SLC12A7: variants seen among roughly 807,000 people sequenced by gnomAD.
The protein encoded by SLC12A7 is solute carrier family 12 member 7.
Under a neutral mutation model 120.6 loss-of-function variants are expected in SLC12A7, and 100 were observed. That is an observed-to-expected ratio of 0.83 (90% confidence interval 0.71 to 0.98). The LOEUF (loss-of-function observed/expected upper bound fraction) is 0.98. SLC12A7 is among the 50% of genes least tolerant of loss of function. The pLI, the probability that SLC12A7 is intolerant of heterozygous loss-of-function variation, is 0.00. For missense variants in SLC12A7, 1,373 were observed against 1,548.1 expected, an observed-to-expected ratio of 0.89 and a Z score of 1.90; for synonymous variants, 760 against 678.0, an observed-to-expected ratio of 1.12 and a Z score of -1.88.
chr5:1,052,646 A>G (rs552840037), intron 23 of SLC12A7, among the ~76,000 whole-genome samples, 195 bp from the exon 24 acceptor site: 57 of 152,252 alleles, frequency 3.7e-4, no homozygotes, highest in African/African-American at 1.3e-3. Flanking sequence ...GAGAGGGGCC[A>G]GTGCTCGGGA....
the SLC12A7 span, among the ~76,000 whole-genome samples, chr5:1,146,796 C>CA: frequency 6.6e-6 from 1 of 152,200 alleles, no homozygotes; most frequent in African/African-American, 2.4e-5. The surrounding 1 kb of genome is among the most constrained non-coding windows in gnomAD (Gnocchi z 6.5). Flanking sequence ...TAGTAACTCC[C>CA]AAACAATTGC....
intron 22 of SLC12A7, among the ~76,000 whole-genome samples, chr5:1,055,080 A>C (rs180896824): frequency 3.9e-5 from 6 of 152,302 alleles, no homozygotes; most frequent in East Asian, 1.9e-4. Context: ...GCCGGCCGCC[A>C]CAGCAAGGAG....
At chr5:1,125,150 C>T in the SLC12A7 span, among the ~76,000 whole-genome samples, 1 of 152,194 alleles carries the variant, frequency 6.6e-6, no homozygotes, top group African/African-American at 2.4e-5. Context: ...GAATGGAGCA[C>T]AGAGCAGCTG....
At chr5:1,074,698 C>T in intron 15 of SLC12A7, 27 bp from the exon 16 acceptor site, 1 of 1,605,210 alleles carries the variant, frequency 6.2e-7, no homozygotes, top group African/African-American at 1.3e-5. Context: ...CGGGGTTTGT[C>T]CAGCCGCGTA....
At chr5:1,073,843 C>G (rs778285045) in intron 16 of SLC12A7, 42 bp from the exon 17 acceptor site, 3 of 1,364,544 alleles carry the variant, frequency 2.2e-6, no homozygotes, top group South Asian at 4.2e-5. Context: ...GCAACGCTTA[C>G]CAGGGCACGG....
At chr5:1,136,996 T>C in the SLC12A7 span, among the ~76,000 whole-genome samples, 5 of 89,580 alleles carry the variant, frequency 5.6e-5, no homozygotes, top group South Asian at 4.0e-4. Flanking sequence ...AGGACACACA[T>C]GTGCACACAC....
At chr5:1,093,947 C>T (rs1740825839) in intron 2 of SLC12A7, among the ~76,000 whole-genome samples, 1 of 152,218 alleles carries the variant, frequency 6.6e-6, no homozygotes, top group Non-Finnish European at 1.5e-5. Flanking sequence ...AGGAAGGAGC[C>T]CAGAAGGCAC....
At chr5:1,120,957 A>G in the SLC12A7 span, among the ~76,000 whole-genome samples, 1 of 152,306 alleles carries the variant, frequency 6.6e-6, no homozygotes, top group East Asian at 1.9e-4. Context: ...CCCGGCAAAG[A>G]TTTAAGATGT....
At chr5:1,148,930 G>A in the SLC12A7 span, among the ~76,000 whole-genome samples, 15 of 152,218 alleles carry the variant, frequency 9.9e-5, no homozygotes, top group African/African-American at 3.6e-4. Context: ...GGGGCCTGGT[G>A]TAGGAGCTCC....
intron 11 of SLC12A7, 51 bp from the exon 12 acceptor site, chr5:1,078,058 T>C: frequency 6.6e-7 from 1 of 1,514,312 alleles, no homozygotes; most frequent in East Asian, 2.5e-5. Context: ...TGAGCCTGAG[T>C]CAGACAAAAT....
In SLC12A7 at chr5:1,104,316, A is replaced by C. The variant is rs375831804; in HGVS notation, c.124+7552T>G. On this transcript the variant is annotated intron_variant, in intron 1 of 23. Transcript: ENST00000264930. ...CAAGGGAAACTGAGGCACAGAGCAAATGTTCAAGGATCACTTTAACAACCT... is the reference window on the plus strand; with the variant it reads ...CAAGGGAAACTGAGGCACAGAGCAACTGTTCAAGGATCACTTTAACAACCT... Among the ~76,000 whole-genome samples the C allele has an allele frequency of 2.0e-5, 3 of 152,188 alleles. No individual in the cohort carries two copies. The South Asian group carries it at 6.2e-4, about 31-fold the overall frequency.
chr5:1,077,137 G>A (rs1381578541), intron 12 of SLC12A7, among the ~76,000 whole-genome samples: 1 of 149,466 alleles, frequency 6.7e-6, no homozygotes, highest in East Asian at 2.1e-4. Flanking sequence ...AGACCCTGTG[G>A]TGACCTTTCT....
the SLC12A7 span, among the ~76,000 whole-genome samples, chr5:1,141,627 A>C: frequency 7.2e-5 from 11 of 152,384 alleles, no homozygotes; most frequent in Middle Eastern, 3.4e-3. Context: ...TTGTGTGGTC[A>C]CTGAAGTTTA....
At chr5:1,076,410 T>C (rs1277994844) in intron 13 of SLC12A7, among the ~76,000 whole-genome samples, 174 bp from the exon 14 acceptor site, 3 of 43,434 alleles carry the variant, frequency 6.9e-5, no homozygotes, top group African/African-American at 2.3e-4. Flanking sequence ...CCCCTCAGGT[T>C]CCAGCCATCC....
chr5:1,086,756 A>G (rs1372010673), intron 6 of SLC12A7, 147 bp downstream of exon 6: 2 of 1,099,602 alleles, frequency 1.8e-6, no homozygotes, highest in Non-Finnish European at 2.6e-6. Flanking sequence ...CGCCATGGCC[A>G]GAGCCCAGGA....
rs201031593 is a variant in SLC12A7, at chr5:1,081,653, G to A, written c.1221C>T (p.Ser407=). The change falls in exon 9 of 24, where the codon AGC becomes AGT. Residue 407 remains serine, a synonymous_variant. Coordinates refer to ENST00000264930, the MANE Select transcript of SLC12A7 (RefSeq NM_006598.3). Reference sequence around the variant, plus strand: ...TGTCGGTGAGCACGTAGGGCAGTGCGCTGGCACGGCTCTCCTCTGCCACGG... The same window carrying A: ...TGTCGGTGAGCACGTAGGGCAGTGCACTGGCACGGCTCTCCTCTGCCACGG... ...SVPVAEESRA[S]ALPYVLTDIA... is the part of the protein sequence containing the mutation. The A allele has an allele frequency of 4.4e-5, 71 of 1,613,142 alleles. No homozygotes were observed. The East Asian group carries it at 1.1e-3, about 24-fold the overall frequency.
intron 1 of SLC12A7, among the ~76,000 whole-genome samples, chr5:1,099,320 C>T (rs1321680185): frequency 1.3e-5 from 2 of 151,978 alleles, no homozygotes; most frequent in East Asian, 3.9e-4. Context: ...CAGAACCCAA[C>T]CCGGTCCACC....
intron 5 of SLC12A7, among the ~76,000 whole-genome samples, chr5:1,087,560 G>C (rs1740007127): frequency 6.6e-6 from 1 of 152,238 alleles, no homozygotes; most frequent in Non-Finnish European, 1.5e-5. Flanking sequence ...CGCGGCCATC[G>C]TGAAGCAGAG....
At chr5:1,155,093 G>A in the SLC12A7 span, among the ~76,000 whole-genome samples, 24 of 62,500 alleles carry the variant, frequency 3.8e-4, no homozygotes, top group South Asian at 1.5e-3. Flanking sequence ...CCCCCGCCCC[G>A]CCCTCCCAGG....
Sources: gnomAD v4.1 joint callset for allele counts (sites outside exome capture counted in the v4.1 genomes callset) on GRCh38, gnomAD v4.1.1 for gene constraint, Gnocchi (gnomAD v3.1) non-coding constraint, MANE v1.5 for transcripts, NCBI Gene and HGNC (gene_info 2026-07-23, HGNC 2026-07-21) for gene names.